Variants in RABGAP1L observed in about 807,000 individuals in gnomAD.
The protein encoded by RABGAP1L is rab GTPase-activating protein 1-like.
In RABGAP1L, 63 loss-of-function variants were observed where a neutral mutation model predicts 137.7. That is an observed-to-expected ratio of 0.46 (90% CI 0.37 to 0.56). The LOEUF (loss-of-function observed/expected upper bound fraction) is 0.56, where lower values mean the gene tolerates loss of function less well. RABGAP1L is among the 20% of genes least tolerant of loss of function. The pLI, the probability that RABGAP1L is intolerant of heterozygous loss-of-function variation, is 0.00. For synonymous variants in RABGAP1L, 431 were observed against 433.7 expected (o/e 0.99, Z 0.08); for missense variants, 1,095 against 1,244.0 (o/e 0.88, Z 1.80).
chr1:174,245,660 C>T (rs1463013357), intron 5 of RABGAP1L: 1 of 149,024 alleles, frequency 6.7e-6, no homozygotes, highest in Non-Finnish European at 1.5e-5. Flanking sequence ...TTTTTTGAGG[C>T]AGAGTCTCAC....
intron 11 of RABGAP1L, among the ~76,000 whole-genome samples, chr1:174,354,560 C>T (rs978339105): frequency 7.9e-5 from 12 of 152,288 alleles, no homozygotes; most frequent in African/African-American, 2.9e-4. Context: ...GAATGATAGC[C>T]ATATGCTACC....
intron 11 of RABGAP1L, among the ~76,000 whole-genome samples, chr1:174,333,516 A>G (rs574808212): frequency 1.5e-4 from 23 of 152,340 alleles, no homozygotes; most frequent in African/African-American, 5.1e-4. Flanking sequence ...AGAGCTCAGC[A>G]AGTCCACTTA....
chr1:174,610,032 G>A (rs548615176), intron 13 of RABGAP1L, among the ~76,000 whole-genome samples: 4 of 142,690 alleles, frequency 2.8e-5, no homozygotes, highest in African/African-American at 7.7e-5. Context: ...TTTGGTATGC[G>A]TTTTTTTTTT....
At chr1:174,885,859 C>T (rs980914912) in intron 19 of RABGAP1L, among the ~76,000 whole-genome samples, 5 of 151,688 alleles carry the variant, frequency 3.3e-5, no homozygotes, top group East Asian at 2.0e-4. Context: ...CCCAGCTACT[C>T]GGGAGGCTGA....
intron 11 of RABGAP1L, among the ~76,000 whole-genome samples, chr1:174,334,387 CCATATT>C (rs1218511365): frequency 2.6e-5 from 4 of 152,332 alleles, no homozygotes; most frequent in Middle Eastern, 6.8e-3. Context: ...CACACACCAG[CCATATT>C]CATCCTTTTG....
Position 174,634,869 on chromosome 1 carries a change from T to A in RABGAP1L, c.1711-2506T>A, listed in dbSNP as rs1673811835. On this transcript the variant is annotated intron_variant, in intron 13 of 25. Transcript: ENST00000681986. ...GGACACAGGAAGGGGAATATCACAC[T>A]CTGGGGACTGTGGTGGGGTGGGGGG... Among the ~76,000 whole-genome samples the A allele has an allele frequency of 2.4e-5, 3 of 125,362 alleles. No homozygotes were observed. The Admixed American group carries it at 2.7e-4, about 11-fold the overall frequency. 82.2% of individuals were successfully genotyped at this position (125,362 alleles called of 152,430 possible).
intron 13 of RABGAP1L, among the ~76,000 whole-genome samples, chr1:174,419,581 G>C (rs1651015624): frequency 6.6e-6 from 1 of 152,086 alleles, no homozygotes; most frequent in Non-Finnish European, 1.5e-5. Flanking sequence ...AGAGTTCATA[G>C]CTTAATTTGT....
intron 1 of RABGAP1L, among the ~76,000 whole-genome samples, chr1:174,212,752 G>A (rs1668997597): frequency 6.6e-6 from 1 of 152,022 alleles, no homozygotes; most frequent in Non-Finnish European, 1.5e-5. Flanking sequence ...AAAACCAAAA[G>A]CTGGTGGTTT....
chr1:174,803,948 C>G (rs1689000629), intron 18 of RABGAP1L, among the ~76,000 whole-genome samples: 1 of 152,050 alleles, frequency 6.6e-6, no homozygotes, highest in Non-Finnish European at 1.5e-5. Context: ...GGGTGGGCGC[C>G]TGTAATCCCA....
chr1:174,672,224 G>T (rs333437), intron 14 of RABGAP1L, among the ~76,000 whole-genome samples: 1 of 148,056 alleles, frequency 6.8e-6, no homozygotes, highest in African/African-American at 2.5e-5. Flanking sequence ...CTTAGTCTAG[G>T]TGTTTATTTT....
At chr1:174,736,913 GC>G (rs1366398407) in intron 17 of RABGAP1L, among the ~76,000 whole-genome samples, 6 of 152,208 alleles carry the variant, frequency 3.9e-5, no homozygotes, top group Admixed American at 3.9e-4. Flanking sequence ...GGACAATGGG[GC>G]CCCGGGCCTG....
At chr1:174,194,670 G>A (rs914322257) in intron 1 of RABGAP1L, among the ~76,000 whole-genome samples, 2 of 152,134 alleles carry the variant, frequency 1.3e-5, no homozygotes, top group African/African-American at 4.8e-5. Flanking sequence ...CTGACATCTG[G>A]TGGGCCGGCA....
intron 23 of RABGAP1L, 150 bp from the exon 24 acceptor site, chr1:174,982,684 G>A (rs147287715): frequency 3.4e-5 from 24 of 706,338 alleles, no homozygotes; most frequent in African/African-American, 2.1e-4. Flanking sequence ...GCTCATTTCC[G>A]AAATGACTGG....
rs568937617 is a variant in RABGAP1L, at chr1:174,408,634, C to T, written c.1710+14489C>T. Among the ~76,000 whole-genome samples the T allele has an allele frequency of 5.9e-5, 9 of 152,288 alleles. No homozygotes were observed. The East Asian group carries it at 1.7e-3, about 29-fold the overall frequency. On this transcript the variant is annotated intron_variant, in intron 13 of 25. Coordinates refer to ENST00000681986, the MANE Select transcript of RABGAP1L (RefSeq NM_001366446.1). Reference sequence around the variant, plus strand: ...AGAATGGTAGTTATTTGAGAAATCTCTAAAGCATTCCACAGTGGCTGTAAT... The same window carrying T: ...AGAATGGTAGTTATTTGAGAAATCTTTAAAGCATTCCACAGTGGCTGTAAT...
chr1:174,705,893 G>T (rs1479872012), intron 17 of RABGAP1L: 3 of 152,006 alleles, frequency 2.0e-5, no homozygotes, highest in Non-Finnish European at 4.4e-5. Context: ...ATTTGTTTTT[G>T]TCATATTCTC....
At chr1:174,346,811 G>C (rs186063973) in intron 11 of RABGAP1L, among the ~76,000 whole-genome samples, 1 of 151,466 alleles carries the variant, frequency 6.6e-6, no homozygotes, top group South Asian at 2.1e-4. Context: ...AAGTTGCATC[G>C]TTAGGTTGTT....
At chr1:174,649,590 C>G (rs1309566352) in intron 14 of RABGAP1L, among the ~76,000 whole-genome samples, 1 of 152,068 alleles carries the variant, frequency 6.6e-6, no homozygotes, top group Non-Finnish European at 1.5e-5. Context: ...GATGTGCTTC[C>G]CTTTGTGGGT....
chr1:174,860,039 A>G lies in RABGAP1L; in HGVS notation c.2340+48079A>G, dbSNP rs1650026875. Among the ~76,000 whole-genome samples, 6 of 150,642 alleles carry G rather than the reference A, an allele frequency of 4.0e-5. No individual in the cohort carries two copies. The South Asian group carries it at 1.3e-3, about 31-fold the overall frequency. On this transcript the variant is annotated intron_variant, in intron 19 of 25. Coordinates refer to ENST00000681986, the MANE Select transcript of RABGAP1L (RefSeq NM_001366446.1). ...GGTATATTGGTTGCAGGATTAATACAAGGAGGCATGATTACATGATCACAA... is the reference window on the plus strand; with the variant it reads ...GGTATATTGGTTGCAGGATTAATACGAGGAGGCATGATTACATGATCACAA...
intron 13 of RABGAP1L, among the ~76,000 whole-genome samples, chr1:174,498,507 A>G (rs1319167444): frequency 6.6e-6 from 1 of 151,474 alleles, no homozygotes; most frequent in Non-Finnish European, 1.5e-5. Flanking sequence ...TTTATTTTTT[A>G]TTTTTTTGAG....
Sources: gnomAD v4.1 joint callset for allele counts (sites outside exome capture counted in the v4.1 genomes callset) on GRCh38, gnomAD v4.1.1 for gene constraint, MANE v1.5 for transcripts, NCBI Gene and HGNC (gene_info 2026-07-23, HGNC 2026-07-21) for gene names.